The following ARHGEF10 variants were observed in gnomAD, a reference collection of about 807,000 sequenced individuals.
ARHGEF10 encodes the protein Rho guanine nucleotide exchange factor 10, also known as Rho guanine nucleotide exchange factor (GEF) 10.
Under a neutral mutation model 147.4 loss-of-function variants are expected in ARHGEF10, and 140 were observed. The ratio of observed to expected loss-of-function variants is 0.95; its 90% CI spans 0.83 to 1.09. The LOEUF is 1.09. Among genes scored for constraint, ARHGEF10 ranks in the 50% least tolerant of loss-of-function variants. The pLI, the probability that ARHGEF10 is intolerant of heterozygous loss-of-function variation, is 0.00. For missense variants in ARHGEF10, 2,222 were observed against 1,752.7 expected (o/e 1.27, Z -4.78); for synonymous variants, 902 against 695.8 (o/e 1.30, Z -4.67).
At position 1,858,180 on chromosome 8, in the gene ARHGEF10, G is replaced by C. The variant is rs1158210721; in HGVS notation, c.193+65G>C. ...GGTCCCCAGGTGAGTCCCCAGGTGG[G>C]TCCCCATGTGAGTCACCAGGTGAGT... On this transcript the variant is annotated intron_variant, in intron 3 of 28. Transcript: ENST00000349830. 3 of 1,483,968 alleles carry C rather than the reference G, an allele frequency of 2.0e-6. No homozygotes were observed. In the African/African-American group the frequency reaches 4.2e-5, roughly 21 times the overall value. 91.9% of individuals were successfully genotyped at this position (1,483,968 alleles called of 1,614,324 possible).
chr8:1,952,409 T>A (rs1052851315), intron 27 of ARHGEF10, among the ~76,000 whole-genome samples: 6 of 152,224 alleles, frequency 3.9e-5, no homozygotes, highest in African/African-American at 1.4e-4. Context: ...TCCAGGGGCT[T>A]GATTCATGGC....
intron 11 of ARHGEF10, among the ~76,000 whole-genome samples, chr8:1,888,467 G>A (rs145939730): frequency 9.6e-6 from 1 of 104,582 alleles, no homozygotes; most frequent in African/African-American, 3.9e-5. Context: ...GGGGTGAGGG[G>A]TATTGAGGAG....
intron 1 of ARHGEF10, among the ~76,000 whole-genome samples, chr8:1,842,437 C>T (rs1395768724): frequency 6.6e-6 from 1 of 152,240 alleles, no homozygotes; most frequent in East Asian, 1.9e-4. Context: ...CCTCGCGTTC[C>T]CCTCATTGAA....
At chr8:1,864,546 C>G in intron 5 of ARHGEF10, 110 bp downstream of exon 5, 1 of 1,165,376 alleles carries the variant, frequency 8.6e-7, no homozygotes, top group Non-Finnish European at 1.3e-6. Flanking sequence ...CTCTGCGCGG[C>G]GGGAGCTGTC....
chr8:1,950,287 C>T (rs1814926346), intron 27 of ARHGEF10, among the ~76,000 whole-genome samples: 2 of 152,096 alleles, frequency 1.3e-5, no homozygotes, highest in South Asian at 2.1e-4. Context: ...GGGCACGGGA[C>T]GCCTGGATAG....
chr8:1,898,076 G>A (rs551023473), intron 14 of ARHGEF10, among the ~76,000 whole-genome samples: 19 of 152,282 alleles, frequency 1.2e-4, no homozygotes, highest in South Asian at 4.1e-4. Flanking sequence ...CCTCCAGGAC[G>A]TCTTTCTGCC....
Position 1,893,326 on chromosome 8 carries a change from C to G in ARHGEF10, c.1183-243C>G, listed in dbSNP as rs1372321893. On this transcript the variant is annotated intron_variant, in intron 11 of 28. Coordinates refer to ENST00000349830, the MANE Select transcript of ARHGEF10 (RefSeq NM_014629.4). ...TAAATGAAGGAATTTCTTTTCAGTG[C>G]TGTAATTTTTTTTGTCCCAGCTGTA... Among the ~76,000 whole-genome samples, 5 of 151,952 alleles carry G rather than the reference C, an allele frequency of 3.3e-5. No individual in the cohort carries two copies. In the East Asian group the frequency reaches 9.6e-4, roughly 29 times the overall value.
At chr8:1,922,063 G>C (rs763938038) in intron 18 of ARHGEF10, among the ~76,000 whole-genome samples, 1 of 152,122 alleles carries the variant, frequency 6.6e-6, no homozygotes, top group Non-Finnish European at 1.5e-5. Context: ...TCTGTCATCA[G>C]TCAGATGGGG....
intron 7 of ARHGEF10, among the ~76,000 whole-genome samples, chr8:1,874,871 G>GGAGGAACA (rs1285323001): frequency 1.1e-5 from 1 of 89,700 alleles, no homozygotes; most frequent in African/African-American, 4.5e-5. Flanking sequence ...AAGACAGTCT[G>GGAGGAACA]GTGGGAGAGT....
chr8:1,897,318 A>T (rs1453732503), intron 14 of ARHGEF10, among the ~76,000 whole-genome samples: 1 of 152,110 alleles, frequency 6.6e-6, no homozygotes, highest in Admixed American at 6.5e-5. Context: ...TGGCCCATGG[A>T]GGTTTGCTAA....
At chr8:1,878,101 A>T (rs1807860920) in intron 8 of ARHGEF10, among the ~76,000 whole-genome samples, 1 of 152,138 alleles carries the variant, frequency 6.6e-6, no homozygotes, top group Non-Finnish European at 1.5e-5. Context: ...AGTTTCATTC[A>T]CAAGTTCTTC....
At chr8:1,885,844 C>A (rs1160241327) in intron 11 of ARHGEF10, 137 bp downstream of exon 11, 1 of 743,356 alleles carries the variant, frequency 1.3e-6, no homozygotes, top group Non-Finnish European at 2.4e-6. Flanking sequence ...ACTGTAGGTT[C>A]CTGGCCCAGC....
intron 18 of ARHGEF10, among the ~76,000 whole-genome samples, 188 bp downstream of exon 18, chr8:1,909,658 C>T (rs1290864857): frequency 1.3e-5 from 2 of 152,238 alleles, no homozygotes; most frequent in African/African-American, 2.4e-5. Context: ...GGCTGCTCAT[C>T]ACTGACTTGT....
intron 18 of ARHGEF10, among the ~76,000 whole-genome samples, chr8:1,909,992 A>G (rs966793271): frequency 5.9e-5 from 9 of 152,172 alleles, no homozygotes; most frequent in Non-Finnish European, 1.2e-4. Flanking sequence ...TGCTTTGGCA[A>G]TGTCTTAGCA....
chr8:1,935,960 T>C (rs1813564508), intron 26 of ARHGEF10, among the ~76,000 whole-genome samples: 1 of 152,220 alleles, frequency 6.6e-6, no homozygotes, highest in South Asian at 2.1e-4. Context: ...AGCCCACCCG[T>C]GTCTGCTGTT....
intron 11 of ARHGEF10, 71 bp from the exon 12 acceptor site, chr8:1,893,498 C>A: frequency 9.8e-7 from 1 of 1,018,008 alleles, no homozygotes; most frequent in Non-Finnish European, 1.6e-6. Flanking sequence ...CAAGCCTCAG[C>A]ATAGAAGTAA....
chr8:1,926,698 C>A, intron 23 of ARHGEF10: 2 of 583,230 alleles, frequency 3.4e-6, no homozygotes, highest in Non-Finnish European at 6.1e-6. Flanking sequence ...AAAACATTTA[C>A]CAGATAAAGT....
At chr8:1,884,736 T>C (rs1808508464) in intron 10 of ARHGEF10, among the ~76,000 whole-genome samples, 1 of 152,190 alleles carries the variant, frequency 6.6e-6, no homozygotes, top group South Asian at 2.1e-4. Context: ...TTTAATGTAG[T>C]TAGCTGTGTT....
At chr8:1,945,783 A>G in intron 27 of ARHGEF10, 128 bp downstream of exon 27, 2 of 1,390,070 alleles carry the variant, frequency 1.4e-6, no homozygotes, top group Non-Finnish European at 1.0e-6. Flanking sequence ...CTGCCAGGTA[A>G]TGGGGTGGGA....
Sources: gnomAD v4.1 joint callset for allele counts (sites outside exome capture counted in the v4.1 genomes callset) on GRCh38, gnomAD v4.1.1 for gene constraint, MANE v1.5 for transcripts, NCBI Gene and HGNC (gene_info 2026-07-23, HGNC 2026-07-21) for gene names.